Variants in BMP5 observed in about 807,000 individuals in gnomAD.
The protein encoded by BMP5 is bone morphogenetic protein 5.
A neutral mutation model predicts 46.6 loss-of-function variants in BMP5; 23 were observed. That is an observed-to-expected ratio of 0.49 (90% CI 0.35 to 0.70). BMP5 has a LOEUF of 0.70. BMP5 is among the 30% of genes least tolerant of loss of function. The probability of loss-of-function intolerance (pLI) is 0.00; values close to 1 mark genes in which losing one functional copy is unlikely to be tolerated. For missense variants in BMP5, 545 were observed against 565.6 expected (o/e 0.96, Z 0.37); for synonymous variants, 204 against 191.9 (o/e 1.06, Z -0.52).
At chr6:55,793,108 G>C (rs1775614208) in intron 3 of BMP5, among the ~76,000 whole-genome samples, 1 of 151,984 alleles carries the variant, frequency 6.6e-6, no homozygotes, top group Non-Finnish European at 1.5e-5. Flanking sequence ...AATTTTAAAT[G>C]ACCTGCAAGT....
intron 3 of BMP5, among the ~76,000 whole-genome samples, chr6:55,785,823 GA>G (rs1004091021): frequency 7.9e-5 from 12 of 151,490 alleles, no homozygotes; most frequent in Admixed American, 7.9e-4. Context: ...GAAATTTGAT[GA>G]AAAAATTTGA....
intron 4 of BMP5, among the ~76,000 whole-genome samples, chr6:55,771,323 T>C (rs993239208): frequency 2.6e-5 from 4 of 151,964 alleles, no homozygotes; most frequent in Non-Finnish European, 2.9e-5. Flanking sequence ...TTTCCTCTCA[T>C]ACACAAATTC....
intron 4 of BMP5, among the ~76,000 whole-genome samples, chr6:55,770,719 G>A (rs1775028345): frequency 6.6e-6 from 1 of 151,884 alleles, no homozygotes; most frequent in South Asian, 2.1e-4. Flanking sequence ...GATTTAAAGT[G>A]AGAGATGTTT....
chr6:55,856,772 C>G (rs1333056446), intron 1 of BMP5, among the ~76,000 whole-genome samples: 1 of 151,958 alleles, frequency 6.6e-6, no homozygotes, highest in Non-Finnish European at 1.5e-5. Context: ...TCATACATAT[C>G]AATATATTTC....
In BMP5 at chr6:55,874,942, A is replaced by G. The variant is rs1441989172; in HGVS notation, c.-77T>C. 5.2e-6 allele frequency: 8 copies of G among 1,540,718 alleles called. No individual in the cohort carries two copies. Among genetic ancestry groups the G allele is most frequent in the Non-Finnish European group, 7.0e-6 (8 of 1,141,862 alleles). ...AAAAAAAAAAACCTAAGGTTCTAGG[A>G]GGTACAGTTTCCCAGTAGCTGAAAA... On this transcript the variant is annotated 5_prime_UTR_variant, in exon 1 of 7. Transcript: ENST00000370830.
At chr6:55,764,278 A>C (rs1002796914) in intron 4 of BMP5, among the ~76,000 whole-genome samples, 1 of 152,198 alleles carries the variant, frequency 6.6e-6, no homozygotes, top group Non-Finnish European at 1.5e-5. Context: ...TTCAGCCATA[A>C]AAAGAATGAA....
chr6:55,811,605 C>T (rs1776135519), intron 2 of BMP5, among the ~76,000 whole-genome samples: 1 of 151,898 alleles, frequency 6.6e-6, no homozygotes, highest in Non-Finnish European at 1.5e-5. Flanking sequence ...CATTTTAGTG[C>T]TTAGGAACAT....
intron 1 of BMP5, among the ~76,000 whole-genome samples, chr6:55,829,198 G>A (rs1776600083): frequency 6.6e-6 from 1 of 151,802 alleles, no homozygotes; most frequent in Admixed American, 6.6e-5. Context: ...TTTGCTTTAT[G>A]TCTCCCCCGG....
rs999604200 is a variant in BMP5 at position 55,875,063 on chromosome 6, G to C, written c.-198C>G. Reference sequence around the variant, plus strand: ...TTTTAAATATTTTGGAATATGTCAAGAGTAGTTATTTCTAAGAAAGCTGAA... The same window carrying C: ...TTTTAAATATTTTGGAATATGTCAACAGTAGTTATTTCTAAGAAAGCTGAA... On this transcript the variant is annotated 5_prime_UTR_variant, in exon 1 of 7. Coordinates refer to ENST00000370830, the MANE Select transcript of BMP5 (RefSeq NM_021073.4). 2 of 589,840 alleles carry C rather than the reference G, an allele frequency of 3.4e-6. No homozygotes were observed. The allele number at this position is 589,840 out of a possible 1,614,324, so 36.5% of individuals were successfully genotyped here.
chr6:55,825,473 A>G (rs958183985), intron 1 of BMP5, among the ~76,000 whole-genome samples: 4 of 151,938 alleles, frequency 2.6e-5, no homozygotes, highest in African/African-American at 9.7e-5. Context: ...TTGCCTTTAT[A>G]TAAGCACCAA....
At chr6:55,814,867 C>T (rs1053174998) in intron 2 of BMP5, among the ~76,000 whole-genome samples, 6 of 152,140 alleles carry the variant, frequency 3.9e-5, no homozygotes, top group Non-Finnish European at 7.4e-5. Context: ...TGGTGGCTCA[C>T]GCCTGTAATC....
At chr6:55,802,803 T>G (rs1163099320) in intron 2 of BMP5, among the ~76,000 whole-genome samples, 1 of 151,214 alleles carries the variant, frequency 6.6e-6, no homozygotes, top group Non-Finnish European at 1.5e-5. Flanking sequence ...ATTAAATAAT[T>G]CTTTTTTTCC....
At chr6:55,783,549 C>T (rs1455278629) in intron 3 of BMP5, among the ~76,000 whole-genome samples, 1 of 151,922 alleles carries the variant, frequency 6.6e-6, no homozygotes, top group Non-Finnish European at 1.5e-5. Context: ...ACCAGCACTA[C>T]TGCTAGTTTT....
chr6:55,780,839 G>A (rs115722643), intron 3 of BMP5, among the ~76,000 whole-genome samples: 1 of 152,140 alleles, frequency 6.6e-6, no homozygotes, highest in Non-Finnish European at 1.5e-5. Flanking sequence ...CATGGCCAGA[G>A]GTTTGTGCCC....
intron 1 of BMP5, among the ~76,000 whole-genome samples, chr6:55,827,732 CA>C (rs1776565847): frequency 6.6e-6 from 1 of 151,620 alleles, no homozygotes; most frequent in Non-Finnish European, 1.5e-5. Context: ...TATTAAATGT[CA>C]AAAATTAGCT....
At chr6:55,764,453 G>T (rs937692178) in intron 4 of BMP5, among the ~76,000 whole-genome samples, 3 of 151,814 alleles carry the variant, frequency 2.0e-5, no homozygotes, top group Admixed American at 1.3e-4. Context: ...GACGCCTGTA[G>T]TCCCAGCTAC....
In BMP5 at chr6:55,755,701, T is replaced by G; in HGVS notation, c.1216-19A>C. The G allele has an allele frequency of 1.2e-6, 2 of 1,608,022 alleles. No individual in the cohort carries two copies. On this transcript the variant is annotated intron_variant, in intron 6 of 6. Transcript: ENST00000370830. ...GATGAACCTGGGAAAGAAAAAAGGT[T>G]TTGTTTTATTAAGAAATAAAATATA...
chr6:55,856,969 A>C (rs1413635824), intron 1 of BMP5, among the ~76,000 whole-genome samples: 1 of 152,150 alleles, frequency 6.6e-6, no homozygotes, highest in Non-Finnish European at 1.5e-5. Context: ...CTTTACCTTA[A>C]ACATTTTAAT....
At chr6:55,786,889 T>C (rs1368416491) in intron 3 of BMP5, among the ~76,000 whole-genome samples, 3 of 151,684 alleles carry the variant, frequency 2.0e-5, no homozygotes, top group Non-Finnish European at 4.4e-5. Flanking sequence ...CAAAAATGAC[T>C]TAATTACTTC....
Sources: gnomAD v4.1 joint callset for allele counts (sites outside exome capture counted in the v4.1 genomes callset) on GRCh38, gnomAD v4.1.1 for gene constraint, MANE v1.5 for transcripts, NCBI Gene and HGNC (gene_info 2026-07-23, HGNC 2026-07-21) for gene names.